The following PCOLCE variants were observed in gnomAD, a reference collection of about 807,000 sequenced individuals.
PCOLCE encodes procollagen C-endopeptidase enhancer.
In PCOLCE, 33 loss-of-function variants were observed where a neutral mutation model predicts 47.2. The ratio of observed to expected loss-of-function variants is 0.70; its 90% CI spans 0.53 to 0.93. PCOLCE has a LOEUF of 0.93. Among genes scored for constraint, PCOLCE ranks in the 40% least tolerant of loss-of-function variants. The pLI is 0.00. For missense variants in PCOLCE, 584 were observed against 585.3 expected, an observed-to-expected ratio of 1.00 and a Z score of 0.02; for synonymous variants, 254 against 252.5, an observed-to-expected ratio of 1.01 and a Z score of -0.06.
chr7:100,606,303 T>C (rs1802714752), intron 5 of PCOLCE, 113 bp from the exon 6 acceptor site: 3 of 711,378 alleles, frequency 4.2e-6, no homozygotes, highest in African/African-American at 1.8e-5. Context: ...CACTCAAGCC[T>C]GGGAGACAAA....
Position 100,604,973 on chromosome 7 carries a change from C to T in PCOLCE, c.464-118C>T. ...ATCTTACCTCCCCTTCTTCTCGTCC[C>T]CTCATCCTGAGCCCCAGACATCCGA... On this transcript the variant is annotated intron_variant, in intron 3 of 8. Coordinates refer to ENST00000223061, the MANE Select transcript of PCOLCE (RefSeq NM_002593.4). This position sits in a 1 kb window ranked among gnomAD's most constrained non-coding sequence, Gnocchi z 6.4. 1 of 669,122 alleles carries T rather than the reference C, an allele frequency of 1.5e-6. No individual in the cohort carries two copies. Among genetic ancestry groups the T allele is most frequent in the Non-Finnish European group, 2.6e-6 (1 of 381,980 alleles). 41.4% of individuals were successfully genotyped at this position (669,122 alleles called of 1,614,324 possible).
At chr7:100,606,194 G>T in intron 5 of PCOLCE, 1 of 562,648 alleles carries the variant, frequency 1.8e-6, no homozygotes, top group Non-Finnish European at 3.2e-6. Flanking sequence ...AGCTGGGCAT[G>T]GTGGCGTGCC....
chr7:100,604,248 C>A lies in PCOLCE; in HGVS notation c.463+31C>A, dbSNP rs774000290. 14 of 1,582,020 alleles carry A rather than the reference C, an allele frequency of 8.8e-6. No individual in the cohort carries two copies. In the South Asian group the frequency reaches 1.2e-4, roughly 14 times the overall value. On this transcript the variant is annotated intron_variant, in intron 3 of 8. Transcript: ENST00000223061. The surrounding 1 kb of genome is among the most constrained non-coding windows in gnomAD (Gnocchi z 6.4). ...AACTCCCTCACCTCCGCCTTCCCCC[C>A]CTCCAGGCCCCGCCCCGGCCGCAGC...
intron 2 of PCOLCE, 57 bp from the exon 3 acceptor site, chr7:100,603,902 T>G: frequency 6.3e-7 from 1 of 1,575,550 alleles, no homozygotes; most frequent in Non-Finnish European, 8.6e-7. Flanking sequence ...AGCTGCCCTC[T>G]GGCTGGGTTG....
chr7:100,607,620 C>T lies in PCOLCE; in HGVS notation c.1013-17C>T. 1.2e-6 allele frequency: 2 copies of T among 1,613,116 alleles called. No individual in the cohort carries two copies. Among genetic ancestry groups the T allele is most frequent in the Middle Eastern group, 1.7e-4 (1 of 6,060 alleles). ...GAACCTCCCATCTCCTCATCTCTCA[C>T]TCCCATTCTCCCACAGTGGTGACTG... On this transcript the variant is annotated splice_polypyrimidine_tract_variant and intron_variant, in intron 7 of 8. Coordinates refer to ENST00000223061, the MANE Select transcript of PCOLCE (RefSeq NM_002593.4).
At position 100,607,998 on chromosome 7, in the gene PCOLCE, G is replaced by T; in HGVS notation, c.1245G>T (p.Glu415Asp). Residue 415 changes from glutamate (E) to aspartate (D), a missense_variant, in exon 9 of 9, where the codon GAG becomes GAT. Transcript: ENST00000223061. ...ACAGAGGCCCCGTCCTTCCTCCAGA[G>T]AGCTTTGTGGTTCTCCACCGGCCCA... Reference protein sequence around the residue: ...EENRGPVLPPESFVVLHRPNQ... With the variant: ...EENRGPVLPPDSFVVLHRPNQ... 1 of 1,614,144 alleles carries T rather than the reference G, an allele frequency of 6.2e-7. No homozygotes were observed. The highest frequency in any genetic ancestry group is 8.5e-7 in the Non-Finnish European group (1 of 1,180,030).
Position 100,608,104 on chromosome 7 carries a change from G to T in PCOLCE, c.*1G>T. The T allele has an allele frequency of 6.2e-7, 1 of 1,613,390 alleles. No homozygotes were observed. Among genetic ancestry groups the T allele is most frequent in the Non-Finnish European group, 8.5e-7 (1 of 1,179,828 alleles). On this transcript the variant is annotated 3_prime_UTR_variant, in exon 9 of 9. Coordinates refer to ENST00000223061, the MANE Select transcript of PCOLCE (RefSeq NM_002593.4). ...GCGGGCTGCTGCGTCCCAGGACTGAGACGCAGGCCAGCCCCGGCCCCTAGC... is the reference window on the plus strand; with the variant it reads ...GCGGGCTGCTGCGTCCCAGGACTGATACGCAGGCCAGCCCCGGCCCCTAGC...
intron 2 of PCOLCE, 122 bp from the exon 3 acceptor site, chr7:100,603,837 C>A: frequency 8.7e-7 from 1 of 1,152,200 alleles, no homozygotes; most frequent in Non-Finnish European, 1.2e-6. Flanking sequence ...TCTGCACTCA[C>A]ATGGAGGCCC....
intron 1 of PCOLCE, 28 bp downstream of exon 1, chr7:100,602,579 C>T (rs778691579): frequency 1.4e-6 from 2 of 1,398,238 alleles, no homozygotes; most frequent in Non-Finnish European, 2.0e-6. Context: ...TTCCAGACAG[C>T]TCCAGTGAAC....
chr7:100,607,806 A>C lies in PCOLCE; in HGVS notation c.1182A>C (p.Lys394Asn), dbSNP rs1270402952. 2.6e-5 allele frequency: 42 copies of C among 1,614,000 alleles called. 1 individual carries two copies. In the Admixed American group the frequency reaches 6.7e-4, roughly 26 times the overall value. The part of the protein sequence containing the change: ...VPCKQCPPMK[K>N]GVSYLLMGQV... ...GCAAGCAGTGCCCCCCCATGAAGAA[A>C]GGTAACAGAGATGTGGGGAAATGGG... Residue 394 changes from lysine (K) to asparagine (N), a missense_variant and splice_region_variant, in exon 8 of 9, where the codon AAA (lysine) becomes AAC (asparagine). Physicochemically the swap from Lys to Asn is moderately conservative, Grantham distance 94. Transcript: ENST00000223061.
At chr7:100,603,607 A>ACCCCCCCCCCCCCC in intron 2 of PCOLCE, 69 bp downstream of exon 2, 1 of 543,272 alleles carries the variant, frequency 1.8e-6, no homozygotes, top group South Asian at 2.3e-5. Context: ...CTGCGAAGGG[A>ACCCCCCCCCCCCCC]CCCCCCCCCC....
At position 100,606,527 on chromosome 7, in the gene PCOLCE, A is replaced by G; in HGVS notation, c.837A>G (p.Lys279=). Residue 279 remains lysine (K), a synonymous_variant, in exon 6 of 9, where the codon AAA becomes AAG. Coordinates refer to ENST00000223061, the MANE Select transcript of PCOLCE (RefSeq NM_002593.4). The stretch of plus-strand genomic sequence containing the variant: ...AGACCCTGCCGCGGGGCACTGCCAA[A>G]GAAGGGCAAGGGCCCGGCCCCAAAC... The part of the protein sequence containing the change: ...SYKTLPRGTA[K]EGQGPGPKRG... 1.2e-6 allele frequency: 2 copies of G among 1,614,262 alleles called. No individual in the cohort carries two copies. The highest frequency in any genetic ancestry group is 8.5e-7 in the Non-Finnish European group (1 of 1,180,034).
chr7:100,603,121 T>G, intron 1 of PCOLCE: 3 of 288,022 alleles, frequency 1.0e-5, no homozygotes, highest in Non-Finnish European at 1.3e-5. Flanking sequence ...CCAGGCAGAG[T>G]GAGGCGGGAG....
chr7:100,606,470 T>C lies in PCOLCE; in HGVS notation c.780T>C (p.Ser260=). 3.1e-6 allele frequency: 5 copies of C among 1,614,094 alleles called. No individual in the cohort carries two copies. Among genetic ancestry groups the C allele is most frequent in the Non-Finnish European group, 4.2e-6 (5 of 1,179,954 alleles). Residue 260 remains serine, a synonymous_variant, in exon 6 of 9, where the codon AGT becomes AGC. Transcript: ENST00000223061. ...TCGTCCAGTTCGTCTCAGATCTCAG[T>C]GTCACCGCTGATGGCTTCTCAGCCT... ...ELLVQFVSDL[S]VTADGFSASY...
intron 7 of PCOLCE, 52 bp downstream of exon 7, chr7:100,607,575 G>A: frequency 1.9e-6 from 3 of 1,610,214 alleles, no homozygotes; most frequent in Non-Finnish European, 2.5e-6. Flanking sequence ...TCCTGCTTCT[G>A]TTTCCAGTCC....
chr7:100,602,495 C>T lies in PCOLCE; in HGVS notation c.39C>T (p.Leu13=), dbSNP rs372603545. The part of the protein sequence containing the change: ...PAATASLLGP[L]LTACALLPFA... ...CCACAGCCTCCCTCCTGGGGCCCCT[C>T]CTCACTGCCTGCGCCCTGCTGCCTT... Residue 13 remains leucine (L), a synonymous_variant, in exon 1 of 9, where the codon CTC becomes CTT. Transcript: ENST00000223061. 2.7e-5 allele frequency: 44 copies of T among 1,613,186 alleles called. No individual in the cohort carries two copies. In the East Asian group the frequency reaches 4.9e-4, roughly 18 times the overall value.
At position 100,605,514 on chromosome 7, in the gene PCOLCE, G is replaced by GGT; in HGVS notation, c.589-154_589-153dup. The stretch of plus-strand genomic sequence containing the variant: ...ACCGACACCCCTGCAGGGTCCCATG[G>GGT]GTGTGTGTGGTCCTCCGTGCTGTGG... On this transcript the variant is annotated intron_variant, in intron 4 of 8. Coordinates refer to ENST00000223061, the MANE Select transcript of PCOLCE (RefSeq NM_002593.4). This position sits in a 1 kb window ranked among gnomAD's most constrained non-coding sequence, Gnocchi z 6.1. 1 of 847,850 alleles carries GGT rather than the reference G, an allele frequency of 1.2e-6. No homozygotes were observed. Among genetic ancestry groups the GGT allele is most frequent in the Non-Finnish European group, 1.8e-6 (1 of 554,284 alleles). The allele number at this position is 847,850 out of a possible 1,614,324, so 52.5% of individuals were successfully genotyped here. A position where few individuals can be genotyped will look rare whatever the true frequency, so the allele number is the denominator to read the frequency against.
chr7:100,604,234 C>G lies in PCOLCE; in HGVS notation c.463+17C>G, dbSNP rs13241403. 15 of 1,600,698 alleles carry G rather than the reference C, an allele frequency of 9.4e-6. No individual in the cohort carries two copies. Among genetic ancestry groups the G allele is most frequent in the Non-Finnish European group, 1.2e-5 (14 of 1,176,056 alleles). ...CGGGCACTGGTGAGAACTCCCTCAC[C>G]TCCGCCTTCCCCCCCTCCAGGCCCC... On this transcript the variant is annotated intron_variant, in intron 3 of 8. Coordinates refer to ENST00000223061, the MANE Select transcript of PCOLCE (RefSeq NM_002593.4). This position sits in a 1 kb window ranked among gnomAD's most constrained non-coding sequence, Gnocchi z 6.4.
chr7:100,602,585 T>G (rs745581534), intron 1 of PCOLCE, 34 bp downstream of exon 1: 26 of 1,350,180 alleles, frequency 1.9e-5, no homozygotes, highest in Non-Finnish European at 2.8e-5. Context: ...ACAGCTCCAG[T>G]GAACTTCAGA....
Sources: allele counts gnomAD v4.1 joint callset, GRCh38; gene constraint gnomAD v4.1.1; non-coding constraint Gnocchi (gnomAD v3.1); transcripts MANE v1.5; gene names NCBI Gene and HGNC (gene_info 2026-07-23, HGNC 2026-07-21).